The following SDHA variants were observed in gnomAD, a reference collection of about 807,000 sequenced individuals.
SDHA encodes the protein succinate dehydrogenase [ubiquinone] flavoprotein subunit, mitochondrial.
In SDHA, 48 loss-of-function variants were observed where a neutral mutation model predicts 78.4. That is an observed-to-expected ratio of 0.61 (90% confidence interval 0.49 to 0.78). SDHA has a LOEUF of 0.78. Ranked by LOEUF, SDHA falls within the 30% of genes least tolerant of loss-of-function variation. SDHA has a pLI of 0.00. For synonymous variants in SDHA, 326 were observed against 353.9 expected, an observed-to-expected ratio of 0.92 and a Z score of 0.88; for missense variants, 680 against 892.7, an observed-to-expected ratio of 0.76 and a Z score of 3.04.
intron 6 of SDHA, among the ~76,000 whole-genome samples, chr5:228,965 G>C (rs1350421355): frequency 6.6e-6 from 1 of 151,488 alleles, no homozygotes; most frequent in Non-Finnish European, 1.5e-5. Context: ...GACTTGAATA[G>C]ATATTTTTCT....
the SDHA span, among the ~76,000 whole-genome samples, chr5:265,083 T>C: frequency 6.6e-6 from 1 of 152,132 alleles, no homozygotes; most frequent in Non-Finnish European, 1.5e-5. Flanking sequence ...GGCAGGTGCC[T>C]GTAATCCCAG....
intron 2 of SDHA, 92 bp downstream of exon 2, chr5:223,660 A>C: frequency 1.1e-6 from 1 of 895,012 alleles, no homozygotes; most frequent in Non-Finnish European, 1.9e-6. Flanking sequence ...AGTCATAGAC[A>C]TAAGGGAAAA....
intron 11 of SDHA, among the ~76,000 whole-genome samples, chr5:244,899 G>A (rs191422964): frequency 1.3e-5 from 2 of 152,208 alleles, no homozygotes; most frequent in African/African-American, 2.4e-5. Context: ...ATGAAATGGG[G>A]TATGTCCCTG....
chr5:220,312 A>C, intron 1 of SDHA: 2 of 438,964 alleles, frequency 4.6e-6, no homozygotes, highest in Non-Finnish European at 8.9e-6. Flanking sequence ...AAACTTCAAT[A>C]GTTACTGGTT....
chr5:242,499 A>G (rs190867579), intron 11 of SDHA, among the ~76,000 whole-genome samples: 37 of 152,312 alleles, frequency 2.4e-4, no homozygotes, highest in Non-Finnish European at 2.8e-4. Context: ...CTTGCTCTCA[A>G]TAAATATGTG....
In SDHA at chr5:250,974, T is replaced by G. The variant is rs2126631828; in HGVS notation, c.1552-18T>G. ...CTTCTATGGATTAAAAGTTTACAAATAATATTTTGTGCCACAGTCAATGCA... is the reference window on the plus strand; with the variant it reads ...CTTCTATGGATTAAAAGTTTACAAAGAATATTTTGTGCCACAGTCAATGCA... On this transcript the variant is annotated intron_variant, in intron 11 of 14. Transcript: ENST00000264932. The G allele has an allele frequency of 6.2e-7, 1 of 1,602,952 alleles. No individual in the cohort carries two copies. Among genetic ancestry groups the G allele is most frequent in the Non-Finnish European group, 8.5e-7 (1 of 1,171,566 alleles).
rs562709234 is a variant in SDHA at position 238,644 on chromosome 5, C to T, written c.1433-1714C>T. Among the ~76,000 whole-genome samples, 16 of 152,216 alleles carry T rather than the reference C, an allele frequency of 1.1e-4. No homozygotes were observed. The East Asian group carries it at 2.1e-3, about 20-fold the overall frequency. ...CTCAGCCTCCCGAAGTGGTTACATG[C>T]GCCTATACATGTGTTAAAATTGGTA... On this transcript the variant is annotated intron_variant, in intron 10 of 14. Transcript: ENST00000264932.
intron 13 of SDHA, among the ~76,000 whole-genome samples, chr5:252,276 A>G (rs1426670293): frequency 6.3e-5 from 8 of 127,768 alleles, no homozygotes; most frequent in African/African-American, 1.6e-4. Context: ...TGTGGAGGAA[A>G]TGCCCGTTTA....
Position 251,307 on chromosome 5 carries a change from C to T in SDHA, c.1664-31C>T, listed in dbSNP as rs1157870313. 3 of 1,607,624 alleles carry T rather than the reference C, an allele frequency of 1.9e-6. No individual in the cohort carries two copies. In the Admixed American group the frequency reaches 5.1e-5, roughly 27 times the overall value. ...GAGGGCCCATGTGACTGGGTCCCGCCTGCCCCTGATGGAACTTTTTGTGTC... is the reference window on the plus strand; with the variant it reads ...GAGGGCCCATGTGACTGGGTCCCGCTTGCCCCTGATGGAACTTTTTGTGTC... On this transcript the variant is annotated intron_variant, in intron 12 of 14. Coordinates refer to ENST00000264932, the MANE Select transcript of SDHA (RefSeq NM_004168.4).
intron 7 of SDHA, among the ~76,000 whole-genome samples, chr5:233,163 T>G (rs1291620132): frequency 1.3e-5 from 2 of 152,186 alleles, no homozygotes; most frequent in African/African-American, 2.4e-5. Flanking sequence ...TGTTCAAAAA[T>G]TAAAACAAAA....
In SDHA at chr5:235,348, G is replaced by T. The variant is rs1060505003; in HGVS notation, c.1260+9G>T. ...CCAACTACAAGGGGCAGGTGATGGT[G>T]CTGGCTCCTCCCCCACAGCTGGAAA... On this transcript the variant is annotated intron_variant, in intron 9 of 14. Transcript: ENST00000264932. 3 of 1,614,062 alleles carry T rather than the reference G, an allele frequency of 1.9e-6. No individual in the cohort carries two copies. The highest frequency in any genetic ancestry group is 2.5e-6 in the Non-Finnish European group (3 of 1,179,890).
chr5:245,324 T>C (rs557985593), intron 11 of SDHA, among the ~76,000 whole-genome samples: 1 of 152,322 alleles, frequency 6.6e-6, no homozygotes, highest in African/African-American at 2.4e-5. Context: ...TTAATAGTCA[T>C]AGATTTAAAA....
chr5:268,498 G>T, the SDHA span, among the ~76,000 whole-genome samples: 1 of 152,096 alleles, frequency 6.6e-6, no homozygotes, highest in Non-Finnish European at 1.5e-5. Context: ...TAATTTCATA[G>T]TAATTAACCT....
At chr5:219,525 TA>T (rs1324302188) in intron 1 of SDHA, among the ~76,000 whole-genome samples, 1 of 152,216 alleles carries the variant, frequency 6.6e-6, no homozygotes, top group African/African-American at 2.4e-5. Context: ...AAATACTTAT[TA>T]AAAATCTCGT....
At chr5:228,705 T>G (rs1735201419) in intron 6 of SDHA, among the ~76,000 whole-genome samples, 2 of 152,210 alleles carry the variant, frequency 1.3e-5, no homozygotes, top group Non-Finnish European at 2.9e-5. Context: ...GGTGGGTAAG[T>G]CCTTCTTCTC....
At chr5:266,716 T>G in the SDHA span, among the ~76,000 whole-genome samples, 3 of 122,588 alleles carry the variant, frequency 2.4e-5, no homozygotes. Flanking sequence ...AGGTGAGCTG[T>G]GTCTAAGACA....
chr5:227,664 G>A (rs1319208708), intron 5 of SDHA: 2 of 215,170 alleles, frequency 9.3e-6, no homozygotes, highest in Admixed American at 5.3e-5. Flanking sequence ...AGCGCTGTCC[G>A]GCGCCTACCT....
At chr5:266,760 G>A in the SDHA span, among the ~76,000 whole-genome samples, 1 of 152,226 alleles carries the variant, frequency 6.6e-6, no homozygotes, top group Non-Finnish European at 1.5e-5. Context: ...AGTAGACACC[G>A]TGGCCGCTGT....
At chr5:264,819 A>C in the SDHA span, among the ~76,000 whole-genome samples, 1 of 152,230 alleles carries the variant, frequency 6.6e-6, no homozygotes, top group Non-Finnish European at 1.5e-5. Flanking sequence ...AATTTCAATC[A>C]ATCATCTCCT....
Sources: allele counts gnomAD v4.1 joint callset (sites outside exome capture counted in the v4.1 genomes callset), GRCh38; gene constraint gnomAD v4.1.1; transcripts MANE v1.5; gene names NCBI Gene and HGNC (gene_info 2026-07-23, HGNC 2026-07-21).